CCDC39: variants seen among roughly 807,000 people sequenced by gnomAD.
CCDC39 encodes coiled-coil domain 39 molecular ruler complex subunit.
In CCDC39, 113 loss-of-function variants were observed where a neutral mutation model predicts 121.0. That is an observed-to-expected ratio of 0.93 (90% CI 0.80 to 1.09). The LOEUF is 1.09. Among genes scored for constraint, CCDC39 ranks in the 50% least tolerant of loss-of-function variants. The pLI, the probability that CCDC39 is intolerant of heterozygous loss-of-function variation, is 0.00. For missense variants in CCDC39, 1,063 were observed against 1,074.7 expected (o/e 0.99, Z 0.15); for synonymous variants, 349 against 352.2 (o/e 0.99, Z 0.10).
At chr3:180,621,961 T>G (rs1717441390) in intron 14 of CCDC39, among the ~76,000 whole-genome samples, 1 of 152,154 alleles carries the variant, frequency 6.6e-6, no homozygotes, top group African/African-American at 2.4e-5. Context: ...CTGTGAAAAA[T>G]GAAATTGGTA....
chr3:180,614,387 G>A lies in CCDC39; in HGVS notation c.*534C>T, dbSNP rs1033725809. On this transcript the variant is annotated 3_prime_UTR_variant, in exon 20 of 20. Coordinates refer to ENST00000476379, the MANE Select transcript of CCDC39 (RefSeq NM_181426.2). The stretch of plus-strand genomic sequence containing the variant: ...ACCGGTTTTTTTTTGGGGGGGTGGG[G>A]TGGGTAGGGGTTGATGCTATTTTTT... 12 of 139,458 alleles carry A rather than the reference G, an allele frequency of 8.6e-5. No homozygotes were observed. Among genetic ancestry groups the A allele is most frequent in the African/African-American group, 2.6e-4 (10 of 38,038 alleles). The allele number at this position is 139,458 out of a possible 1,614,324, so 8.6% of individuals were successfully genotyped here. A position where few individuals can be genotyped will look rare whatever the true frequency, so the allele number is the denominator to read the frequency against.
At chr3:180,658,413 C>T (rs1009281235) in intron 6 of CCDC39, among the ~76,000 whole-genome samples, 2 of 151,344 alleles carry the variant, frequency 1.3e-5, no homozygotes, top group Non-Finnish European at 2.9e-5. Context: ...GGCTAACACA[C>T]GGTGAAACCC....
chr3:180,664,438 C>T (rs1711821122), intron 1 of CCDC39, among the ~76,000 whole-genome samples: 1 of 152,154 alleles, frequency 6.6e-6, no homozygotes, highest in African/African-American at 2.4e-5. Context: ...TGGGAGGACA[C>T]AAACATTAAA....
chr3:180,652,340 T>C (rs530450945), intron 7 of CCDC39, 74 bp from the exon 8 acceptor site: 2 of 913,140 alleles, frequency 2.2e-6, no homozygotes, highest in Non-Finnish European at 3.2e-6. Flanking sequence ...CTGAGTTTTA[T>C]TCTGCCCACT....
At chr3:180,619,419 A>C in intron 15 of CCDC39, 54 bp from the exon 16 acceptor site, 1 of 852,788 alleles carries the variant, frequency 1.2e-6, no homozygotes, top group South Asian at 1.6e-5. Context: ...GTAGAAATCA[A>C]TTTTAAAGTA....
intron 13 of CCDC39, among the ~76,000 whole-genome samples, chr3:180,637,764 T>A (rs1469018061): frequency 6.6e-6 from 1 of 152,120 alleles, no homozygotes; most frequent in Non-Finnish European, 1.5e-5. Context: ...AAGAATAAGA[T>A]CTTGTGTTTC....
Position 180,616,886 on chromosome 3 carries a change from T to C in CCDC39, c.2346A>G (p.Ser782=), listed in dbSNP as rs1196118420. 5.7e-6 allele frequency: 9 copies of C among 1,586,846 alleles called. No individual in the cohort carries two copies. Among genetic ancestry groups the C allele is most frequent in the Admixed American group, 3.4e-5 (2 of 59,448 alleles). ...CCTCCGTTTCTTTACTTAGTTGAAATGAATAAGCCTGCTTCTCTGATAACT... is the reference window on the plus strand; with the variant it reads ...CCTCCGTTTCTTTACTTAGTTGAAACGAATAAGCCTGCTTCTCTGATAACT... The part of the protein sequence containing the change: ...KEKLSEKQAY[S]FQLSKETEEQ... The change falls in exon 17 of 20, where the codon TCA becomes TCG. Residue 782 remains serine (S), a synonymous_variant. Coordinates refer to ENST00000476379, the MANE Select transcript of CCDC39 (RefSeq NM_181426.2).
At chr3:180,658,303 A>G in intron 6 of CCDC39, among the ~76,000 whole-genome samples, 1 of 146,480 alleles carries the variant, frequency 6.8e-6, no homozygotes, top group East Asian at 2.1e-4. Flanking sequence ...AAAAAGAATT[A>G]AGAGAACCTC....
intron 16 of CCDC39, chr3:180,617,294 G>A (rs565463616): frequency 4.2e-4 from 203 of 478,786 alleles, no homozygotes; most frequent in African/African-American, 3.8e-3. Context: ...ATACAATTAT[G>A]TACAGTGCAT....
intron 12 of CCDC39, among the ~76,000 whole-genome samples, chr3:180,642,793 T>G (rs1470114447): frequency 6.6e-6 from 1 of 151,998 alleles, no homozygotes; most frequent in Non-Finnish European, 1.5e-5. Flanking sequence ...CTAGAAATAG[T>G]AAACATTTGT....
At chr3:180,630,974 G>A (rs1481792205) in intron 14 of CCDC39, among the ~76,000 whole-genome samples, 1 of 152,206 alleles carries the variant, frequency 6.6e-6, no homozygotes, top group Non-Finnish European at 1.5e-5. Flanking sequence ...TGGCATAAGA[G>A]TGGGTGGCTA....
chr3:180,627,896 G>A (rs1485225100), intron 14 of CCDC39, among the ~76,000 whole-genome samples: 1 of 152,126 alleles, frequency 6.6e-6, no homozygotes, highest in Non-Finnish European at 1.5e-5. Flanking sequence ...TTTGGAAATA[G>A]GGTCTTTGCA....
chr3:180,667,074 G>C (rs1467758025), intron 1 of CCDC39, among the ~76,000 whole-genome samples: 2 of 151,852 alleles, frequency 1.3e-5, no homozygotes. Flanking sequence ...CAAAGAAACA[G>C]AAATCAGACT....
At chr3:180,643,226 T>TG (rs1456108412) in intron 12 of CCDC39, among the ~76,000 whole-genome samples, 1 of 152,084 alleles carries the variant, frequency 6.6e-6, no homozygotes, top group Non-Finnish European at 1.5e-5. Context: ...CCCAAAGTGC[T>TG]GGGATTACAG....
intron 1 of CCDC39, among the ~76,000 whole-genome samples, chr3:180,670,244 A>C (rs1712000400): frequency 6.6e-6 from 1 of 151,964 alleles, no homozygotes; most frequent in Non-Finnish European, 1.5e-5. Flanking sequence ...TAATATACTT[A>C]ATATTTTTAA....
chr3:180,678,348 A>G (rs1712292615), intron 1 of CCDC39, among the ~76,000 whole-genome samples: 1 of 152,196 alleles, frequency 6.6e-6, no homozygotes, highest in Non-Finnish European at 1.5e-5. Flanking sequence ...AGGTAGAGTA[A>G]CAGGATTTTC....
chr3:180,614,927 G>A lies in CCDC39; in HGVS notation c.2820C>T (p.Ser940=), dbSNP rs990339739. The A allele has an allele frequency of 1.3e-6, 2 of 1,554,070 alleles. No individual in the cohort carries two copies. Among genetic ancestry groups the A allele is most frequent in the African/African-American group, 1.4e-5 (1 of 73,406 alleles). ...SSSNVKSKKS[S]K is the part of the protein sequence containing the mutation. ...TCAGAAGAGATTAAAATGTTTATTTGCTGCTCTTTTTGCTCTTAACATTAC... is the reference window on the plus strand; with the variant it reads ...TCAGAAGAGATTAAAATGTTTATTTACTGCTCTTTTTGCTCTTAACATTAC... Residue 940 remains serine, a synonymous_variant, in exon 20 of 20, where the codon AGC becomes AGT. Transcript: ENST00000476379.
chr3:180,631,681 T>G (rs1717701868), intron 13 of CCDC39, 89 bp from the exon 14 acceptor site: 1 of 1,087,412 alleles, frequency 9.2e-7, no homozygotes, highest in Non-Finnish European at 1.3e-6. Context: ...GACATTTGGA[T>G]TTGTGTTACT....
At chr3:180,651,765 C>A (rs12629097) in intron 8 of CCDC39, among the ~76,000 whole-genome samples, 3 of 152,016 alleles carry the variant, frequency 2.0e-5, no homozygotes, top group African/African-American at 7.3e-5. Flanking sequence ...TGGCCAGGCG[C>A]GGTGGCTCAC....
Sources: allele counts gnomAD v4.1 joint callset (sites outside exome capture counted in the v4.1 genomes callset), GRCh38; gene constraint gnomAD v4.1.1; transcripts MANE v1.5; gene names NCBI Gene and HGNC (gene_info 2026-07-23, HGNC 2026-07-21).